The following IQGAP2 variants were observed in gnomAD, a reference collection of about 807,000 sequenced individuals.
The protein encoded by IQGAP2 is IQ motif containing GTPase activating protein 2.
A neutral mutation model predicts 201.3 loss-of-function variants in IQGAP2; 173 were observed. The observed-to-expected ratio is 0.86, with a 90% CI of 0.76 to 0.98. IQGAP2 has a LOEUF of 0.98. Ranked by LOEUF, IQGAP2 falls within the 50% of genes least tolerant of loss-of-function variation. The pLI, the probability that IQGAP2 is intolerant of heterozygous loss-of-function variation, is 0.00. For synonymous variants in IQGAP2, 675 were observed against 673.9 expected (o/e 1.00, Z -0.03); for missense variants, 1,687 against 1,864.8 (o/e 0.90, Z 1.76).
At chr5:76,437,266 T>A (rs1752761230) in intron 1 of IQGAP2, among the ~76,000 whole-genome samples, 1 of 152,018 alleles carries the variant, frequency 6.6e-6, no homozygotes, top group Admixed American at 6.6e-5. Flanking sequence ...TTGCCTAGGT[T>A]GGTCTCAAAC....
intron 2 of IQGAP2, among the ~76,000 whole-genome samples, chr5:76,537,575 C>T (rs778472438): frequency 1.3e-5 from 2 of 150,582 alleles, no homozygotes; most frequent in African/African-American, 2.5e-5. Context: ...CTGAATTATT[C>T]GGGAAGAGGG....
intron 5 of IQGAP2, among the ~76,000 whole-genome samples, chr5:76,579,260 C>A (rs1433750615): frequency 1.3e-5 from 2 of 151,894 alleles, no homozygotes; most frequent in South Asian, 2.1e-4. Flanking sequence ...TGATACCTAC[C>A]CAGAATTGAC....
At chr5:76,663,401 C>T (rs1287831415) in intron 21 of IQGAP2, among the ~76,000 whole-genome samples, 1 of 152,218 alleles carries the variant, frequency 6.6e-6, no homozygotes, top group Non-Finnish European at 1.5e-5. Context: ...AAGCAACTTT[C>T]TTGCCACTTA....
chr5:76,430,935 A>G (rs1204246344), intron 1 of IQGAP2, among the ~76,000 whole-genome samples: 46 of 152,230 alleles, frequency 3.0e-4, no homozygotes, highest in Admixed American at 3.0e-3. Flanking sequence ...TATTTATATT[A>G]GGAATATGAT....
intron 2 of IQGAP2, among the ~76,000 whole-genome samples, chr5:76,509,984 C>CTTTTTTTTTTTTTTTT (rs11331690): frequency 1.4e-4 from 19 of 138,042 alleles, no homozygotes; most frequent in Non-Finnish European, 2.0e-4. Context: ...AATTTTCTTT[C>CTTTTTTTTTTTTTTTT]TTTTTTTTTT....
chr5:76,461,480 A>G, intron 1 of IQGAP2, 90 bp from the exon 2 acceptor site: 1 of 787,680 alleles, frequency 1.3e-6, no homozygotes, highest in East Asian at 2.6e-5. Flanking sequence ...TTAAATGTTC[A>G]GCTGCATATG....
At chr5:76,496,725 T>TTTTCTTTCTTTCTTTCTTTC (rs774957947) in intron 2 of IQGAP2, among the ~76,000 whole-genome samples, 1 of 93,588 alleles carries the variant, frequency 1.1e-5, no homozygotes. Context: ...TCTTTCTTTC[T>TTTTCTTTCTTTCTTTCTTTC]TTTCTTTCTT....
At chr5:76,548,477 T>C (rs1037274089) in intron 2 of IQGAP2, among the ~76,000 whole-genome samples, 2 of 152,196 alleles carry the variant, frequency 1.3e-5, no homozygotes, top group African/African-American at 4.8e-5. Flanking sequence ...GAAGAGAGCA[T>C]TCCTAGGAAG....
At chr5:76,444,519 G>A (rs1345400545) in intron 1 of IQGAP2, among the ~76,000 whole-genome samples, 2 of 152,056 alleles carry the variant, frequency 1.3e-5, no homozygotes, top group Admixed American at 6.5e-5. Context: ...GGCTGGTCTC[G>A]AACTCCCAAC....
At chr5:76,499,332 T>A (rs774881303) in intron 2 of IQGAP2, among the ~76,000 whole-genome samples, 7 of 152,216 alleles carry the variant, frequency 4.6e-5, no homozygotes, top group Non-Finnish European at 1.0e-4. Flanking sequence ...TGTCTTTGAA[T>A]CAGACAGCAG....
chr5:76,655,069 A>G (rs1752806511), intron 20 of IQGAP2, 66 bp downstream of exon 20: 1 of 1,147,016 alleles, frequency 8.7e-7, no homozygotes. Context: ...ATATTGGTCC[A>G]TATTGGTCAC....
chr5:76,579,702 TC>T (rs1318156934), intron 5 of IQGAP2, among the ~76,000 whole-genome samples: 1 of 152,138 alleles, frequency 6.6e-6, no homozygotes, highest in Non-Finnish European at 1.5e-5. Context: ...GAGGTTTTCA[TC>T]CCCTGGGAGA....
intron 2 of IQGAP2, among the ~76,000 whole-genome samples, chr5:76,523,806 A>G (rs990821281): frequency 6.6e-6 from 1 of 152,206 alleles, no homozygotes; most frequent in Non-Finnish European, 1.5e-5. Context: ...TGAGATGATT[A>G]GGAGAAAACA....
intron 23 of IQGAP2, among the ~76,000 whole-genome samples, chr5:76,671,343 A>G (rs1437895982): frequency 6.6e-6 from 1 of 152,262 alleles, no homozygotes; most frequent in Non-Finnish European, 1.5e-5. Flanking sequence ...AGAGAAAAGT[A>G]TAATTCCATG....
chr5:76,447,576 C>A (rs546677983), intron 1 of IQGAP2, among the ~76,000 whole-genome samples: 1 of 152,160 alleles, frequency 6.6e-6, no homozygotes, highest in African/African-American at 2.4e-5. Context: ...ATGCTTCTTC[C>A]CAGGAATGAT....
intron 13 of IQGAP2, among the ~76,000 whole-genome samples, chr5:76,613,175 C>A (rs1426191076): frequency 6.6e-6 from 1 of 152,188 alleles, no homozygotes; most frequent in Non-Finnish European, 1.5e-5. Flanking sequence ...AGGCTCAGGG[C>A]GAATGCCTGG....
At chr5:76,595,148 T>C (rs571288207) in intron 9 of IQGAP2, among the ~76,000 whole-genome samples, 1 of 152,054 alleles carries the variant, frequency 6.6e-6, no homozygotes, top group African/African-American at 2.4e-5. Context: ...TTTGTTCACA[T>C]TATAACCCTT....
intron 3 of IQGAP2, among the ~76,000 whole-genome samples, chr5:76,566,291 G>A (rs1052473335): frequency 1.1e-4 from 17 of 152,116 alleles, no homozygotes; most frequent in African/African-American, 3.4e-4. Context: ...AGATAGCAAC[G>A]GCCAGGAGAT....
chr5:76,656,138 C>T (rs1252203300), intron 20 of IQGAP2, among the ~76,000 whole-genome samples: 1 of 152,210 alleles, frequency 6.6e-6, no homozygotes, highest in African/African-American at 2.4e-5. Context: ...TCTCATTCCA[C>T]TAGATTCCAG....
Sources: allele counts gnomAD v4.1 joint callset (sites outside exome capture counted in the v4.1 genomes callset), GRCh38; gene constraint gnomAD v4.1.1; transcripts MANE v1.5; gene names NCBI Gene and HGNC (gene_info 2026-07-23, HGNC 2026-07-21).